Variants in SPTLC3 observed in about 807,000 individuals in gnomAD.
The protein encoded by SPTLC3 is serine palmitoyltransferase 3.
A neutral mutation model predicts 59.3 loss-of-function variants in SPTLC3; 36 were observed. The ratio of observed to expected loss-of-function variants is 0.61; its 90% CI spans 0.47 to 0.80. The LOEUF is 0.80. Ranked by LOEUF, SPTLC3 falls within the 30% of genes least tolerant of loss-of-function variation. The pLI is 0.00. For synonymous variants in SPTLC3, 257 were observed against 240.8 expected (o/e 1.07, Z -0.62); for missense variants, 625 against 685.1 (o/e 0.91, Z 0.98).
intron 2 of SPTLC3, among the ~76,000 whole-genome samples, chr20:13,058,493 G>T (rs1987818411): frequency 1.3e-5 from 2 of 152,190 alleles, no homozygotes; most frequent in South Asian, 4.1e-4. Flanking sequence ...GAATCACTGA[G>T]AACCTTTAAA....
At chr20:13,135,272 T>C (rs1177435128) in intron 9 of SPTLC3, among the ~76,000 whole-genome samples, 3 of 152,206 alleles carry the variant, frequency 2.0e-5, no homozygotes, top group Admixed American at 6.5e-5. Context: ...TGATTTATCA[T>C]AGGATGACTC....
intron 1 of SPTLC3, among the ~76,000 whole-genome samples, chr20:13,023,062 C>T (rs1985969553): frequency 6.6e-6 from 1 of 151,998 alleles, no homozygotes; most frequent in Non-Finnish European, 1.5e-5. Context: ...TGCATTTGCA[C>T]TCCTCATCCC....
chr20:13,098,846 T>C (rs781593099), intron 6 of SPTLC3, among the ~76,000 whole-genome samples: 6 of 152,288 alleles, frequency 3.9e-5, no homozygotes, highest in Non-Finnish European at 7.4e-5. Context: ...ATCATACAAC[T>C]GATTAATAGT....
chr20:13,074,184 C>T, intron 3 of SPTLC3, 165 bp from the exon 4 acceptor site: 1 of 921,790 alleles, frequency 1.1e-6, no homozygotes, highest in Non-Finnish European at 1.8e-6. Flanking sequence ...CAGACTGAAC[C>T]ACCTCCTGCC....
intron 2 of SPTLC3, among the ~76,000 whole-genome samples, chr20:13,059,175 CA>C (rs1182903231): frequency 2.0e-5 from 3 of 152,096 alleles, no homozygotes; most frequent in African/African-American, 4.8e-5. Context: ...GAGTTAAATT[CA>C]AAAAACTACA....
chr20:13,115,067 G>C (rs943602003), intron 7 of SPTLC3, among the ~76,000 whole-genome samples: 15 of 152,112 alleles, frequency 9.9e-5, no homozygotes, highest in Non-Finnish European at 1.5e-4. Flanking sequence ...GAAGTCAAAA[G>C]AAAAACACAA....
intron 8 of SPTLC3, among the ~76,000 whole-genome samples, chr20:13,121,247 A>T (rs926152438): frequency 5.3e-5 from 8 of 152,212 alleles, no homozygotes; most frequent in Admixed American, 5.2e-4. Flanking sequence ...CTTGTAACTG[A>T]TAGGTTGCAG....
chr20:13,097,495 T>A (rs1989458832), intron 6 of SPTLC3, among the ~76,000 whole-genome samples: 2 of 151,970 alleles, frequency 1.3e-5, no homozygotes, highest in Non-Finnish European at 2.9e-5. Flanking sequence ...GAAAAAAAAA[T>A]AATAATTCTG....
chr20:13,062,065 C>A (rs749042732), intron 2 of SPTLC3, among the ~76,000 whole-genome samples: 2 of 152,180 alleles, frequency 1.3e-5, no homozygotes, highest in Non-Finnish European at 2.9e-5. Flanking sequence ...CCCACACGTG[C>A]CTGCCTCAGG....
intron 9 of SPTLC3, among the ~76,000 whole-genome samples, chr20:13,151,418 C>G (rs138451741): frequency 7.2e-5 from 11 of 152,264 alleles, no homozygotes; most frequent in Admixed American, 2.0e-4. Flanking sequence ...TGTCTGTGGT[C>G]AGGATAGAGG....
intron 1 of SPTLC3, among the ~76,000 whole-genome samples, chr20:13,041,052 TC>T (rs1986960496): frequency 6.6e-6 from 1 of 152,202 alleles, no homozygotes; most frequent in South Asian, 2.1e-4. Flanking sequence ...CTATAATATG[TC>T]TGATAACAGA....
chr20:13,011,319 T>G (rs978870637), intron 1 of SPTLC3, among the ~76,000 whole-genome samples: 1 of 152,262 alleles, frequency 6.6e-6, no homozygotes, highest in South Asian at 2.1e-4. Context: ...AGAAGCAGTC[T>G]GCAAAGGCTT....
chr20:13,053,164 G>T (rs971214146), intron 2 of SPTLC3, among the ~76,000 whole-genome samples: 1 of 152,156 alleles, frequency 6.6e-6, no homozygotes, highest in African/African-American at 2.4e-5. Flanking sequence ...CATCTGGTGG[G>T]TGGCCCTCTG....
intron 1 of SPTLC3, among the ~76,000 whole-genome samples, chr20:13,020,160 C>A (rs1713240641): frequency 6.6e-6 from 1 of 152,072 alleles, no homozygotes; most frequent in Admixed American, 6.6e-5. Context: ...GAGAATATCA[C>A]ACATAACACA....
intron 4 of SPTLC3, among the ~76,000 whole-genome samples, chr20:13,082,222 T>G (rs1230070723): frequency 1.3e-5 from 2 of 152,084 alleles, no homozygotes; most frequent in African/African-American, 4.8e-5. Flanking sequence ...TCTTCCCACA[T>G]AAATACCATA....
At chr20:13,011,316 G>C (rs1031733022) in intron 1 of SPTLC3, among the ~76,000 whole-genome samples, 2 of 152,094 alleles carry the variant, frequency 1.3e-5, no homozygotes, top group African/African-American at 4.8e-5. Context: ...GATAGAAGCA[G>C]TCTGCAAAGG....
intron 2 of SPTLC3, among the ~76,000 whole-genome samples, chr20:13,057,149 A>C (rs967064888): frequency 7.2e-5 from 11 of 152,206 alleles, no homozygotes; most frequent in African/African-American, 2.7e-4. Context: ...CAAAACATGA[A>C]ACATCCTATT....
At chr20:13,010,360 A>C (rs1985175397) in intron 1 of SPTLC3, among the ~76,000 whole-genome samples, 1 of 152,196 alleles carries the variant, frequency 6.6e-6, no homozygotes, top group Non-Finnish European at 1.5e-5. Context: ...CAGGAAAGGC[A>C]GATTGTTCTA....
At chr20:13,146,746 C>T (rs1489119941) in intron 9 of SPTLC3, among the ~76,000 whole-genome samples, 2 of 152,202 alleles carry the variant, frequency 1.3e-5, no homozygotes, top group African/African-American at 2.4e-5. Flanking sequence ...ACCTCAGCAG[C>T]TGGCCTTGCT....
Sources: allele counts gnomAD v4.1 joint callset (sites outside exome capture counted in the v4.1 genomes callset), GRCh38; gene constraint gnomAD v4.1.1; transcripts MANE v1.5; gene names NCBI Gene and HGNC (gene_info 2026-07-23, HGNC 2026-07-21).